Variants in DOCK7 observed in about 807,000 individuals in gnomAD.
DOCK7 encodes dedicator of cytokinesis 7.
Under a neutral mutation model 271.0 loss-of-function variants are expected in DOCK7, and 138 were observed. The ratio of observed to expected loss-of-function variants is 0.51; its 90% CI spans 0.44 to 0.59. DOCK7 has a LOEUF of 0.59. Among genes scored for constraint, DOCK7 ranks in the 20% least tolerant of loss-of-function variants. The probability of loss-of-function intolerance (pLI) is 0.00; values close to 1 mark genes in which losing one functional copy is unlikely to be tolerated. For missense variants in DOCK7, 2,066 were observed against 2,592.4 expected, an observed-to-expected ratio of 0.80 and a Z score of 4.41; for synonymous variants, 823 against 876.1, an observed-to-expected ratio of 0.94 and a Z score of 1.07.
chr1:62,582,102 A>G (rs1470714867), intron 16 of DOCK7, among the ~76,000 whole-genome samples: 1 of 152,160 alleles, frequency 6.6e-6, no homozygotes, highest in Non-Finnish European at 1.5e-5. Flanking sequence ...AGTATAGAGA[A>G]TTTGAGATGA....
At chr1:62,667,535 T>C (rs952072689) in intron 1 of DOCK7, among the ~76,000 whole-genome samples, 1 of 152,064 alleles carries the variant, frequency 6.6e-6, no homozygotes, top group Non-Finnish European at 1.5e-5. Flanking sequence ...AGAAAACAAG[T>C]GAAACCCCAT....
chr1:62,544,855 G>A, intron 23 of DOCK7, 92 bp downstream of exon 23: 1 of 995,164 alleles, frequency 1.0e-6, no homozygotes, highest in East Asian at 2.8e-5. Flanking sequence ...ATTAAAAAAA[G>A]CAAGCCACTG....
intron 31 of DOCK7, among the ~76,000 whole-genome samples, chr1:62,517,926 G>A (rs1387609274): frequency 6.6e-6 from 1 of 152,048 alleles, no homozygotes; most frequent in Admixed American, 6.6e-5. Flanking sequence ...GTAACAGCCC[G>A]AAACTACAAA....
chr1:62,586,773 T>A, intron 14 of DOCK7, 149 bp from the exon 15 acceptor site: 1 of 475,886 alleles, frequency 2.1e-6, no homozygotes, highest in Non-Finnish European at 3.7e-6. Flanking sequence ...TGACGTTTTA[T>A]TTACTCCTGA....
chr1:62,622,597 G>A (rs1653402378), intron 12 of DOCK7, among the ~76,000 whole-genome samples: 1 of 151,848 alleles, frequency 6.6e-6, no homozygotes, highest in Admixed American at 6.6e-5. Context: ...GGGACTACAG[G>A]TATACACCAA....
chr1:62,634,941 T>C lies in DOCK7; in HGVS notation c.886-19A>G, dbSNP rs1655067770. On this transcript the variant is annotated intron_variant, in intron 8 of 49. Coordinates refer to ENST00000635253, the MANE Select transcript of DOCK7 (RefSeq NM_001367561.1). Reference sequence around the variant, plus strand: ...CTGAAATCTAAAAAATATTAGTATGTTAAACTTTAAAATATGTACATTTTA... The same window carrying C: ...CTGAAATCTAAAAAATATTAGTATGCTAAACTTTAAAATATGTACATTTTA... 1 of 1,535,910 alleles carries C rather than the reference T, an allele frequency of 6.5e-7. No homozygotes were observed. Among genetic ancestry groups the C allele is most frequent in the Non-Finnish European group, 8.9e-7 (1 of 1,119,268 alleles).
In DOCK7 at chr1:62,553,318, A is replaced by T. The variant is rs1211839640; in HGVS notation, c.2597-417T>A. On this transcript the variant is annotated intron_variant, in intron 21 of 49. Transcript: ENST00000635253. ...CTTCTAAATAAAAAGTATTTTATAT[A>T]TATATATATATATATATATATATAT... Among the ~76,000 whole-genome samples, 21 of 41,260 alleles carry T rather than the reference A, an allele frequency of 5.1e-4. 2 individuals are homozygous for T. Among genetic ancestry groups the T allele is most frequent in the South Asian group, 2.2e-3 (2 of 902 alleles). 27.1% of individuals were successfully genotyped at this position (41,260 alleles called of 152,430 possible).
chr1:62,597,992 A>G, intron 14 of DOCK7: 1 of 1,568,264 alleles, frequency 6.4e-7, no homozygotes, highest in Non-Finnish European at 8.6e-7. Context: ...AATATTTAGA[A>G]GAGCAACTAA....
At chr1:62,540,497 T>G (rs1458567711) in intron 25 of DOCK7, among the ~76,000 whole-genome samples, 3 of 152,168 alleles carry the variant, frequency 2.0e-5, no homozygotes, top group Admixed American at 2.0e-4. Flanking sequence ...ATTAAATTTT[T>G]CCAAGACTCA....
intron 2 of DOCK7, among the ~76,000 whole-genome samples, chr1:62,661,852 G>C (rs932802188): frequency 3.9e-5 from 6 of 152,086 alleles, no homozygotes; most frequent in Non-Finnish European, 8.8e-5. Flanking sequence ...AGTAGTTAAG[G>C]TGTAATTCAG....
At chr1:62,480,699 C>A (rs1271409263) in intron 43 of DOCK7, among the ~76,000 whole-genome samples, 1 of 152,126 alleles carries the variant, frequency 6.6e-6, no homozygotes, top group Non-Finnish European at 1.5e-5. Flanking sequence ...GCAAACTGTT[C>A]TAGATATTTA....
chr1:62,631,829 T>A (rs1447905059), intron 10 of DOCK7, among the ~76,000 whole-genome samples: 1 of 152,178 alleles, frequency 6.6e-6, no homozygotes, highest in African/African-American at 2.4e-5. Flanking sequence ...CCCTAACATA[T>A]AACAACCATG....
intron 14 of DOCK7, chr1:62,604,901 T>G: frequency 7.0e-7 from 1 of 1,418,850 alleles, no homozygotes. Flanking sequence ...ATTAAATCCT[T>G]AAGAGAAAGC....
rs773004100 is a variant in DOCK7, at chr1:62,653,755, T to A, written c.359A>T (p.Tyr120Phe). 1 of 1,593,672 alleles carries A rather than the reference T, an allele frequency of 6.3e-7. No individual in the cohort carries two copies. The highest frequency in any genetic ancestry group is 1.1e-5 in the South Asian group (1 of 89,974). Residue 120 changes from tyrosine to phenylalanine, a missense_variant, in exon 4 of 50, where the codon TAT becomes TTT. Transcript: ENST00000635253. ...DPHVRDCIRS[Y>F]TEDWAIVIRK... is the part of the protein sequence containing the mutation. ...GATGACAATTGCCCAGTCTTCTGTA[T>A]AACTTCTTATACAGTCTCTAACATG...
intron 2 of DOCK7, among the ~76,000 whole-genome samples, chr1:62,655,932 T>C (rs1340900733): frequency 6.6e-6 from 1 of 152,160 alleles, no homozygotes; most frequent in African/African-American, 2.4e-5. Flanking sequence ...GAAAATATAA[T>C]AGCCACAAAA....
At chr1:62,537,355 C>T (rs926592109) in intron 28 of DOCK7, among the ~76,000 whole-genome samples, 5 of 151,726 alleles carry the variant, frequency 3.3e-5, no homozygotes, top group Admixed American at 1.3e-4. Context: ...AGGCCGAGGC[C>T]GGCAGATCAA....
Position 62,648,298 on chromosome 1 carries a change from T to TACC in DOCK7, c.539_540insGGT (p.Ser180_Met181insVal), listed in dbSNP as rs1656922920. 1 of 1,611,460 alleles carries TACC rather than the reference T, an allele frequency of 6.2e-7. No homozygotes were observed. The highest frequency in any genetic ancestry group is 1.3e-5 in the African/African-American group (1 of 74,898). ...CCCTTGGGGTATCATCTATTGACAT[T>TACC]GAACGTCTTTTAAGGTCATCCTGTC... On this transcript the variant is annotated inframe_insertion, in exon 6 of 50. Transcript: ENST00000635253.
chr1:62,552,963 A>C, intron 21 of DOCK7, 62 bp from the exon 22 acceptor site: 1 of 1,295,800 alleles, frequency 7.7e-7, no homozygotes, highest in Non-Finnish European at 1.0e-6. Context: ...GATCTGAAAA[A>C]AAATCTCTGC....
intron 21 of DOCK7, among the ~76,000 whole-genome samples, 197 bp downstream of exon 21, chr1:62,555,627 TA>T (rs1322712092): frequency 6.6e-6 from 1 of 152,128 alleles, no homozygotes; most frequent in African/African-American, 2.4e-5. Context: ...GCAAACTGTA[TA>T]AAAAAAGATG....
Sources: gnomAD v4.1 joint callset for allele counts (sites outside exome capture counted in the v4.1 genomes callset) on GRCh38, gnomAD v4.1.1 for gene constraint, MANE v1.5 for transcripts, NCBI Gene and HGNC (gene_info 2026-07-23, HGNC 2026-07-21) for gene names.